The following RAB3GAP2 variants were observed in gnomAD, a reference collection of about 807,000 sequenced individuals.
The protein encoded by RAB3GAP2 is RAB3 GTPase activating non-catalytic protein subunit 2, also known as rab3 GTPase-activating protein non-catalytic subunit.
A neutral mutation model predicts 185.3 loss-of-function variants in RAB3GAP2; 87 were observed. That is an observed-to-expected ratio of 0.47 (90% CI 0.39 to 0.56). RAB3GAP2 has a LOEUF of 0.56. Ranked by LOEUF, RAB3GAP2 falls within the 20% of genes least tolerant of loss-of-function variation. The pLI is 0.00. For missense variants in RAB3GAP2, 1,492 were observed against 1,638.2 expected (o/e 0.91, Z 1.54); for synonymous variants, 554 against 576.1 (o/e 0.96, Z 0.55).
chr1:220,263,796 G>A (rs1660182566), intron 1 of RAB3GAP2, among the ~76,000 whole-genome samples: 2 of 151,502 alleles, frequency 1.3e-5, no homozygotes, highest in African/African-American at 4.8e-5. Context: ...TCTTATGTAC[G>A]CTATTATGCC....
Position 220,190,319 on chromosome 1 carries a change from T to C in RAB3GAP2, c.1631+58A>G. The C allele has an allele frequency of 2.5e-6, 4 of 1,609,052 alleles. No individual in the cohort carries two copies. In the Admixed American group the frequency reaches 6.7e-5, roughly 27 times the overall value. On this transcript the variant is annotated intron_variant, in intron 15 of 34. Transcript: ENST00000358951. ...ACTACAAAAGAGAGTACAACAAACC[T>C]AGGAACTAGGAAAAGTTAGCAGAGG...
intron 1 of RAB3GAP2, among the ~76,000 whole-genome samples, chr1:220,238,763 G>C (rs1193313104): frequency 6.6e-6 from 1 of 152,134 alleles, no homozygotes; most frequent in African/African-American, 2.4e-5. Context: ...ATCCACCAAT[G>C]ATCTTTCCCT....
chr1:220,159,579 TAGATGC>T (rs1374036250), intron 28 of RAB3GAP2, among the ~76,000 whole-genome samples, 158 bp from the exon 29 acceptor site: 1 of 152,162 alleles, frequency 6.6e-6, no homozygotes, highest in Non-Finnish European at 1.5e-5. Flanking sequence ...CTACCAACAG[TAGATGC>T]AATTAAATTG....
At chr1:220,191,425 T>C in intron 13 of RAB3GAP2, 141 bp from the exon 14 acceptor site, 1 of 645,006 alleles carries the variant, frequency 1.6e-6, no homozygotes, top group Non-Finnish European at 2.7e-6. Flanking sequence ...ATGGAATATC[T>C]TAAATAAAAA....
intron 1 of RAB3GAP2, among the ~76,000 whole-genome samples, chr1:220,271,778 G>A (rs1571940850): frequency 6.6e-6 from 1 of 152,192 alleles, no homozygotes; most frequent in East Asian, 1.9e-4. Flanking sequence ...GAGAGTGGGA[G>A]CTGGGGCAAT....
At chr1:220,262,729 G>T (rs745655750) in intron 1 of RAB3GAP2, among the ~76,000 whole-genome samples, 1 of 152,076 alleles carries the variant, frequency 6.6e-6, no homozygotes, top group Non-Finnish European at 1.5e-5. Context: ...TGGGCATTTG[G>T]GTTGTTTCCA....
chr1:220,201,978 A>T (rs2102875482), intron 9 of RAB3GAP2, among the ~76,000 whole-genome samples: 1 of 152,128 alleles, frequency 6.6e-6, no homozygotes, highest in East Asian at 1.9e-4. Flanking sequence ...CAACCCAGCC[A>T]ACATGATGAA....
chr1:220,272,243 C>T lies in RAB3GAP2; in HGVS notation c.95G>A (p.Gly32Asp). 6.2e-7 allele frequency: 1 copy of T among 1,609,032 alleles called. No homozygotes were observed. Among genetic ancestry groups the T allele is most frequent in the Non-Finnish European group, 8.5e-7 (1 of 1,178,536 alleles). ...FPHLREEILSGALRRDPSKST... is the reference protein window; with the variant it reads ...FPHLREEILSDALRRDPSKST... ...CTTACTGGGGTCCCTCCGCAAGGCGCCGCTGAGGATCTCCTCCCGCAGGTG... is the reference window on the plus strand; with the variant it reads ...CTTACTGGGGTCCCTCCGCAAGGCGTCGCTGAGGATCTCCTCCCGCAGGTG... The change falls in exon 1 of 35, where the codon GGC becomes GAC. Residue 32 changes from glycine (G) to aspartate (D), a missense_variant. By Grantham distance (94) the Gly-to-Asp change is moderately conservative. Around this residue, in one of 5 missense-constraint regions of RAB3GAP2, gnomAD observed 177 missense variants for 160.6 expected, o/e 1.10. Transcript: ENST00000358951.
intron 12 of RAB3GAP2, among the ~76,000 whole-genome samples, chr1:220,194,551 CCTGA>C (rs1292485396): frequency 6.6e-6 from 1 of 152,096 alleles, no homozygotes; most frequent in Non-Finnish European, 1.5e-5. Flanking sequence ...TGCCATCATG[CCTGA>C]CTAATTTTTG....
chr1:220,164,473 G>GTTTTTTTTTTTT (rs35024056), intron 27 of RAB3GAP2, among the ~76,000 whole-genome samples: 128 of 105,542 alleles, frequency 1.2e-3, no homozygotes, highest in Non-Finnish European at 1.7e-3. Context: ...TTTTTGTTTT[G>GTTTTTTTTTTTT]TTTTTTTTTT....
chr1:220,219,496 G>A (rs1005268653), intron 2 of RAB3GAP2: 1 of 152,218 alleles, frequency 6.6e-6, no homozygotes, highest in African/African-American at 2.4e-5. Context: ...AAAATCAGGG[G>A]TCTGAGGAAG....
chr1:220,212,517 CAG>C (rs1394912456), intron 4 of RAB3GAP2, among the ~76,000 whole-genome samples: 1 of 151,540 alleles, frequency 6.6e-6, no homozygotes, highest in Non-Finnish European at 1.5e-5. Context: ...TTTTAAGAGA[CAG>C]GGTGTCACTC....
At chr1:220,237,412 A>T (rs977509782) in intron 1 of RAB3GAP2, among the ~76,000 whole-genome samples, 1 of 152,246 alleles carries the variant, frequency 6.6e-6, no homozygotes, top group Non-Finnish European at 1.5e-5. Context: ...GTCCAATCTA[A>T]CAAAATTGGT....
chr1:220,230,437 C>T (rs1337497209), intron 2 of RAB3GAP2, among the ~76,000 whole-genome samples: 1 of 152,312 alleles, frequency 6.6e-6, no homozygotes, highest in South Asian at 2.1e-4. Context: ...AGGTGTTGTT[C>T]GCGGAGGTGC....
At chr1:220,269,572 A>G (rs1215882882) in intron 1 of RAB3GAP2, among the ~76,000 whole-genome samples, 1 of 152,152 alleles carries the variant, frequency 6.6e-6, no homozygotes, top group Non-Finnish European at 1.5e-5. Context: ...AAATACAAAC[A>G]TTAGCCGGGC....
At chr1:220,170,233 CAG>C (rs974614152) in intron 24 of RAB3GAP2, among the ~76,000 whole-genome samples, 7 of 152,030 alleles carry the variant, frequency 4.6e-5, no homozygotes, top group African/African-American at 1.7e-4. Context: ...CACATGGACA[CAG>C]GGAGGGGAAC....
intron 17 of RAB3GAP2, among the ~76,000 whole-genome samples, chr1:220,186,870 G>A (rs753325870): frequency 1.2e-4 from 18 of 152,172 alleles, no homozygotes; most frequent in Admixed American, 4.6e-4. Context: ...GAGAAGAACC[G>A]TGTGGGTTAT....
At chr1:220,266,698 C>G in intron 1 of RAB3GAP2, 2 of 1,562,682 alleles carry the variant, frequency 1.3e-6, no homozygotes. Flanking sequence ...TCCCCCTGCA[C>G]GATTCCTAAG....
chr1:220,229,071 A>T (rs1479101582), intron 2 of RAB3GAP2, among the ~76,000 whole-genome samples: 1 of 152,208 alleles, frequency 6.6e-6, no homozygotes. Flanking sequence ...TGAAAAAAGA[A>T]GACATGCTTT....
Sources: gnomAD v4.1 joint callset for allele counts (sites outside exome capture counted in the v4.1 genomes callset) on GRCh38, gnomAD v4.1.1 for gene constraint, gnomAD v4.1.1 regional missense constraint, MANE v1.5 for transcripts, NCBI Gene and HGNC (gene_info 2026-07-23, HGNC 2026-07-21) for gene names.